PYGO1: variants seen among roughly 807,000 people sequenced by gnomAD.
PYGO1 encodes the protein pygopus family PHD finger 1.
Under a neutral mutation model 29.5 loss-of-function variants are expected in PYGO1, and 6 were observed. The observed-to-expected ratio is 0.20, with a 90% confidence interval of 0.11 to 0.40. PYGO1 has a LOEUF of 0.40. PYGO1 is among the 10% of genes least tolerant of loss of function. The pLI is 1.00. For missense variants in PYGO1, 515 were observed against 514.9 expected (o/e 1.00, Z 0.00); for synonymous variants, 186 against 180.5 (o/e 1.03, Z -0.24).
At chr15:55,568,114 A>C (rs1284848166) in intron 1 of PYGO1, among the ~76,000 whole-genome samples, 1 of 152,154 alleles carries the variant, frequency 6.6e-6, no homozygotes, top group Non-Finnish European at 1.5e-5. Context: ...TCTGTGAAAA[A>C]TTCCATTGTA....
At chr15:55,576,455 CAAAAAAAAAAAAAAAAA>C (rs71105896) in intron 1 of PYGO1, among the ~76,000 whole-genome samples, 5 of 46,414 alleles carry the variant, frequency 1.1e-4, no homozygotes, top group African/African-American at 5.6e-4. Context: ...GACTCCGTCT[CAAAAAAAAAAAAAAAAA>C]AAAAAAAAAA....
rs1412230659 is a variant in PYGO1 at position 55,585,676 on chromosome 15, G to A, written c.49+2159C>T. Among the ~76,000 whole-genome samples the A allele has an allele frequency of 3.9e-5, 6 of 152,212 alleles. No individual in the cohort carries two copies. In the East Asian group the frequency reaches 7.7e-4, roughly 20 times the overall value. ...TACGCCATAGAACTTAACAGCAGTT[G>A]GAACAAAATGAAGATATATCTGTGT... On this transcript the variant is annotated intron_variant, in intron 1 of 2. Coordinates refer to ENST00000563719, the MANE Select transcript of PYGO1 (RefSeq NM_001367806.1).
At chr15:55,571,770 C>G (rs982120741) in intron 1 of PYGO1, among the ~76,000 whole-genome samples, 1 of 152,152 alleles carries the variant, frequency 6.6e-6, no homozygotes, top group Non-Finnish European at 1.5e-5. Context: ...ATTCGTCTTT[C>G]TGTGACTAGA....
intron 1 of PYGO1, among the ~76,000 whole-genome samples, chr15:55,579,586 A>T (rs1456208136): frequency 6.6e-6 from 1 of 151,984 alleles, no homozygotes; most frequent in Non-Finnish European, 1.5e-5. Context: ...CACCATCACA[A>T]CTCACTGCAA....
chr15:55,567,989 A>G (rs1444781625), intron 1 of PYGO1, among the ~76,000 whole-genome samples: 1 of 152,052 alleles, frequency 6.6e-6, no homozygotes, highest in East Asian at 1.9e-4. Context: ...CTGCTGCCTT[A>G]TATTTGAAGT....
intron 1 of PYGO1, among the ~76,000 whole-genome samples, chr15:55,573,163 G>A (rs200743396): frequency 1.1e-4 from 17 of 152,016 alleles, no homozygotes; most frequent in Non-Finnish European, 2.2e-4. Context: ...AAAATTAGCC[G>A]GGCGTGGTAG....
chr15:55,574,610 T>A (rs1172851634), intron 1 of PYGO1, among the ~76,000 whole-genome samples: 1 of 151,862 alleles, frequency 6.6e-6, no homozygotes, highest in African/African-American at 2.4e-5. Flanking sequence ...TCAAAAAATT[T>A]CAGGTTCAAA....
Position 55,565,845 on chromosome 15 carries a change from CAT to C in PYGO1, c.50-16852_50-16851del, listed in dbSNP as rs1319186684. ...GCCACCAGGCTGGAGTGCAGTGGCACATGTTGGTTCACTGCAACCTCCAACTC... is the reference window on the plus strand; with the variant it reads ...GCCACCAGGCTGGAGTGCAGTGGCACGTTGGTTCACTGCAACCTCCAACTC... On this transcript the variant is annotated intron_variant, in intron 1 of 2. Coordinates refer to ENST00000563719, the MANE Select transcript of PYGO1 (RefSeq NM_001367806.1). Among the ~76,000 whole-genome samples, 3 of 152,152 alleles carry C rather than the reference CAT, an allele frequency of 2.0e-5. 1 individual carries two copies. Among genetic ancestry groups the C allele is most frequent in the East Asian group, 3.9e-4 (2 of 5,184 alleles).
chr15:55,572,728 AG>A (rs1383540527), intron 1 of PYGO1, among the ~76,000 whole-genome samples: 1 of 152,176 alleles, frequency 6.6e-6, no homozygotes, highest in Non-Finnish European at 1.5e-5. Context: ...GAAAGGACCT[AG>A]GTACACATTT....
rs567873350 is a variant in PYGO1, at chr15:55,540,449, G to A, written c.*5574C>T. 2.9e-4 allele frequency: 44 copies of A among 152,110 alleles called. No individual in the cohort carries two copies. The East Asian group carries it at 6.0e-3, about 21-fold the overall frequency. The allele number at this position is 152,110 out of a possible 1,614,324, so 9.4% of individuals were successfully genotyped here. A position where few individuals can be genotyped will look rare whatever the true frequency, so the allele number is the denominator to read the frequency against. On this transcript the variant is annotated 3_prime_UTR_variant, in exon 3 of 3. Transcript: ENST00000563719. ...CACTGCCATTTAAGGTAATTATTTA[G>A]TAAAGTATACCTGTAAGTGGAAAAT...
intron 1 of PYGO1, among the ~76,000 whole-genome samples, chr15:55,567,699 G>C (rs778773253): frequency 6.6e-6 from 1 of 152,138 alleles, no homozygotes; most frequent in Admixed American, 6.5e-5. Context: ...GTCCAGAATG[G>C]TGTTTCCTGG....
Position 55,545,632 on chromosome 15 carries a change from T to C in PYGO1, c.*391A>G, listed in dbSNP as rs1395172366. On this transcript the variant is annotated 3_prime_UTR_variant, in exon 3 of 3. Coordinates refer to ENST00000563719, the MANE Select transcript of PYGO1 (RefSeq NM_001367806.1). ...GAAGACGTGTTAAGTGGATCCTTGA[T>C]AAACTTTTTGAACTAAATCTTTAAT... 1 of 158,428 alleles carries C rather than the reference T, an allele frequency of 6.3e-6. No homozygotes were observed. The highest frequency in any genetic ancestry group is 2.4e-5 in the African/African-American group (1 of 41,568). 9.8% of individuals were successfully genotyped at this position (158,428 alleles called of 1,614,324 possible). A position where few individuals can be genotyped will look rare whatever the true frequency, so the allele number is the denominator to read the frequency against.
At chr15:55,553,272 C>T (rs1567052012) in intron 1 of PYGO1, among the ~76,000 whole-genome samples, 1 of 152,196 alleles carries the variant, frequency 6.6e-6, no homozygotes, top group Admixed American at 6.5e-5. Context: ...GGGGCAGCTG[C>T]TGTCTCTGCA....
At chr15:55,577,919 T>A (rs1439302862) in intron 1 of PYGO1, among the ~76,000 whole-genome samples, 1 of 152,032 alleles carries the variant, frequency 6.6e-6, no homozygotes, top group African/African-American at 2.4e-5. Flanking sequence ...GGATTACAGG[T>A]GGCTGCCACC....
In PYGO1 at chr15:55,542,297, A is replaced by G. The variant is rs935018704; in HGVS notation, c.*3726T>C. On this transcript the variant is annotated 3_prime_UTR_variant, in exon 3 of 3. Transcript: ENST00000563719. ...CACACTATTAAGAGGTTTTTCTGCCACTAGGCAGAGTTGGGAGTCTAAAAC... is the reference window on the plus strand; with the variant it reads ...CACACTATTAAGAGGTTTTTCTGCCGCTAGGCAGAGTTGGGAGTCTAAAAC... 3.9e-5 allele frequency: 6 copies of G among 152,230 alleles called. No individual in the cohort carries two copies. The highest frequency in any genetic ancestry group is 3.3e-4 in the Admixed American group (5 of 15,286). 9.4% of individuals were successfully genotyped at this position (152,230 alleles called of 1,614,324 possible). A position where few individuals can be genotyped will look rare whatever the true frequency, so the allele number is the denominator to read the frequency against.
intron 1 of PYGO1, among the ~76,000 whole-genome samples, chr15:55,556,785 A>C (rs2058907560): frequency 2.4e-5 from 1 of 41,712 alleles, no homozygotes; most frequent in African/African-American, 7.3e-5. Context: ...AAATAGACAC[A>C]ATCAGAAATG....
Position 55,545,910 on chromosome 15 carries a change from A to G in PYGO1, c.*113T>C, listed in dbSNP as rs999989076. The G allele has an allele frequency of 1.7e-6, 2 of 1,201,418 alleles. No homozygotes were observed. The highest frequency in any genetic ancestry group is 2.5e-5 in the East Asian group (1 of 39,866). The allele number at this position is 1,201,418 out of a possible 1,614,324, so 74.4% of individuals were successfully genotyped here. The stretch of plus-strand genomic sequence containing the variant: ...ATGAAGTGATTAATAAAAACTAAGT[A>G]AATAATGTTTTTGTGTATGCATTTA... On this transcript the variant is annotated 3_prime_UTR_variant, in exon 3 of 3. Coordinates refer to ENST00000563719, the MANE Select transcript of PYGO1 (RefSeq NM_001367806.1).
At chr15:55,588,971 T>TA (rs577982488), upstream of PYGO1, 1,087 of 801,062 alleles carry the variant, frequency 1.4e-3, 12 homozygotes, top group Non-Finnish European at 2.9e-4. Flanking sequence ...CGACGTAGAA[T>TA]AAATACCAGA....
chr15:55,552,426 A>G (rs1263022115), intron 1 of PYGO1, among the ~76,000 whole-genome samples: 2 of 151,524 alleles, frequency 1.3e-5, no homozygotes, highest in Non-Finnish European at 2.9e-5. Flanking sequence ...GAGAAGAATG[A>G]AAATGGTGTG....
Sources: gnomAD v4.1 joint callset for allele counts (sites outside exome capture counted in the v4.1 genomes callset) on GRCh38, gnomAD v4.1.1 for gene constraint, MANE v1.5 for transcripts, NCBI Gene and HGNC (gene_info 2026-07-23, HGNC 2026-07-21) for gene names.